The following PHC3 variants were observed in gnomAD, a reference collection of about 807,000 sequenced individuals.
PHC3 encodes polyhomeotic-like protein 3.
In PHC3, 13 loss-of-function variants were observed where a neutral mutation model predicts 107.4. The ratio of observed to expected loss-of-function variants is 0.12; its 90% CI spans 0.08 to 0.19. PHC3 has a LOEUF of 0.19. PHC3 is among the 10% of genes least tolerant of loss of function. The pLI is 1.00. For synonymous variants in PHC3, 456 were observed against 427.4 expected, an observed-to-expected ratio of 1.07 and a Z score of -0.83; for missense variants, 992 against 1,210.9, an observed-to-expected ratio of 0.82 and a Z score of 2.68.
chr3:170,178,748 C>T, intron 2 of PHC3, 25 bp downstream of exon 2: 2 of 1,611,236 alleles, frequency 1.2e-6, no homozygotes, highest in Non-Finnish European at 1.7e-6. Context: ...AAGTCTTAGA[C>T]TACCCATCAC....
chr3:170,176,233 A>G (rs1331563581), intron 2 of PHC3, among the ~76,000 whole-genome samples: 1 of 151,992 alleles, frequency 6.6e-6, no homozygotes, highest in African/African-American at 2.4e-5. Context: ...CTCAAAAAAA[A>G]AAAAAAAAAA....
At chr3:170,121,970 A>G (rs1362200037) in intron 9 of PHC3, among the ~76,000 whole-genome samples, 1 of 152,178 alleles carries the variant, frequency 6.6e-6, no homozygotes, top group Non-Finnish European at 1.5e-5. Context: ...AGAATTTTCC[A>G]GGCTGGGCAT....
chr3:170,137,208 G>GT lies in PHC3; in HGVS notation c.673-544dup, dbSNP rs147935716. 3.9e-3 allele frequency among the ~76,000 whole-genome samples: 594 copies of GT among 152,266 alleles called. 19 individuals carry two copies. The East Asian group carries it at 0.098, about 25-fold the overall frequency. ...ATTTTCAAGCAACTCTTTTAATTTA[G>GT]TAAAATTTTGGTGGTGGTGTTATTG... On this transcript the variant is annotated intron_variant, in intron 6 of 14. Transcript: ENST00000495893.
At chr3:170,145,590 G>T in intron 5 of PHC3, 69 bp from the exon 6 acceptor site, 2 of 1,075,468 alleles carry the variant, frequency 1.9e-6, no homozygotes, top group Non-Finnish European at 2.7e-6. Flanking sequence ...ATGTGTAGCA[G>T]GCAAGAGAGA....
intron 4 of PHC3, among the ~76,000 whole-genome samples, chr3:170,161,098 T>C (rs1727816617): frequency 6.6e-6 from 1 of 152,260 alleles, no homozygotes; most frequent in Non-Finnish European, 1.5e-5. Context: ...AAGTACCTAC[T>C]ATGTGATGGG....
At chr3:170,175,120 G>C (rs1259520351) in intron 2 of PHC3, among the ~76,000 whole-genome samples, 1 of 152,132 alleles carries the variant, frequency 6.6e-6, no homozygotes, top group Non-Finnish European at 1.5e-5. Context: ...CACCCAAGGA[G>C]GGTGAAGAGA....
At chr3:170,155,656 G>A (rs956918119) in intron 4 of PHC3, among the ~76,000 whole-genome samples, 2 of 152,142 alleles carry the variant, frequency 1.3e-5, no homozygotes, top group South Asian at 4.1e-4. Context: ...GGGAGGCGGA[G>A]GTTGCAGTGA....
intron 7 of PHC3, among the ~76,000 whole-genome samples, chr3:170,131,769 G>A (rs939662638): frequency 2.6e-5 from 4 of 152,096 alleles, no homozygotes; most frequent in East Asian, 1.9e-4. Context: ...CTCGGGAGGC[G>A]GAAGTTGCAG....
At position 170,102,463 on chromosome 3, in the gene PHC3, G is replaced by C. The variant is rs749103010; in HGVS notation, c.2833+16C>G. Reference sequence around the variant, plus strand: ...GCACAAGAAAAATATTAAGGCCAAAGTGATGAATTACATACCAGGCAAAGA... The same window carrying C: ...GCACAAGAAAAATATTAAGGCCAAACTGATGAATTACATACCAGGCAAAGA... On this transcript the variant is annotated intron_variant, in intron 14 of 14. Coordinates refer to ENST00000495893, the MANE Select transcript of PHC3 (RefSeq NM_024947.4). 1 of 1,609,644 alleles carries C rather than the reference G, an allele frequency of 6.2e-7. No individual in the cohort carries two copies. The highest frequency in any genetic ancestry group is 1.1e-5 in the South Asian group (1 of 90,560).
chr3:170,168,668 G>A (rs1229323452), intron 4 of PHC3, among the ~76,000 whole-genome samples: 2 of 151,648 alleles, frequency 1.3e-5, no homozygotes, highest in Admixed American at 6.6e-5. Context: ...GCAGGAGAAT[G>A]GCGTGAACTC....
intron 4 of PHC3, among the ~76,000 whole-genome samples, chr3:170,149,681 C>G (rs1405702961): frequency 6.6e-6 from 1 of 152,136 alleles, no homozygotes; most frequent in Non-Finnish European, 1.5e-5. Flanking sequence ...GTCTCGAACT[C>G]CTGACCTTAG....
Position 170,096,322 on chromosome 3 carries a change from A to G in PHC3, c.*908T>C, listed in dbSNP as rs1303453459. ...AAAAGTATTCCTTTGGGTGAAAACA[A>G]TATTTATCACTCCTTCTATATCAGA... On this transcript the variant is annotated 3_prime_UTR_variant, in exon 15 of 15. Transcript: ENST00000495893. The G allele has an allele frequency of 1.3e-5, 2 of 152,202 alleles. No individual in the cohort carries two copies. Among genetic ancestry groups the G allele is most frequent in the South Asian group, 2.1e-4 (1 of 4,832 alleles). The allele number at this position is 152,202 out of a possible 1,614,324, so 9.4% of individuals were successfully genotyped here.
At chr3:170,164,020 C>T (rs1432421050) in intron 4 of PHC3, among the ~76,000 whole-genome samples, 1 of 151,950 alleles carries the variant, frequency 6.6e-6, no homozygotes, top group African/African-American at 2.4e-5. Context: ...AGCAAGACAG[C>T]GAGACCCCTT....
intron 7 of PHC3, among the ~76,000 whole-genome samples, chr3:170,133,010 C>G (rs369964226): frequency 2.0e-5 from 3 of 151,792 alleles, no homozygotes; most frequent in Non-Finnish European, 4.4e-5. Flanking sequence ...ACTTTGGCAC[C>G]CTAAAAATAC....
rs1418090202 is a variant in PHC3 at position 170,102,725 on chromosome 3, AC to A, written c.2602-16del. ...GTAATTGGAAGCTGGAAAATGTAGT[AC>A]AAGCAAAATACAGCATTGCACTTTC... On this transcript the variant is annotated splice_polypyrimidine_tract_variant and intron_variant, in intron 13 of 14. Coordinates refer to ENST00000495893, the MANE Select transcript of PHC3 (RefSeq NM_024947.4). The A allele has an allele frequency of 1.2e-6, 2 of 1,613,710 alleles. No individual in the cohort carries two copies. Among genetic ancestry groups the A allele is most frequent in the Admixed American group, 3.3e-5 (2 of 59,982 alleles).
In PHC3 at chr3:170,090,256, T is replaced by G. The variant is rs746217006; in HGVS notation, c.*6974A>C. ...CCCTTTACCCAATGTATACAAATAT[T>G]CCCTCCCAGTTCCAAGTTTATTAAG... On this transcript the variant is annotated 3_prime_UTR_variant, in exon 15 of 15. Transcript: ENST00000495893. 1.3e-5 allele frequency: 2 copies of G among 152,152 alleles called. No homozygotes were observed. Among genetic ancestry groups the G allele is most frequent in the Non-Finnish European group, 2.9e-5 (2 of 68,026 alleles). The allele number at this position is 152,152 out of a possible 1,614,324, so 9.4% of individuals were successfully genotyped here.
At chr3:170,111,321 C>A (rs6768770) in intron 11 of PHC3, among the ~76,000 whole-genome samples, 1 of 78,650 alleles carries the variant, frequency 1.3e-5, no homozygotes, top group African/African-American at 4.9e-5. Flanking sequence ...AAGGAAGGAA[C>A]GAACGAACGA....
Position 170,091,198 on chromosome 3 carries a change from G to A in PHC3, c.*6032C>T, listed in dbSNP as rs1714055804. The A allele has an allele frequency of 6.6e-6, 1 of 152,114 alleles. No individual in the cohort carries two copies. The highest frequency in any genetic ancestry group is 2.1e-4 in the South Asian group (1 of 4,832). 9.4% of individuals were successfully genotyped at this position (152,114 alleles called of 1,614,324 possible). ...ACTATCAATCCTTAAGATGATTACT[G>A]GAGTAAATTTAAACAGGTGCTCTAA... On this transcript the variant is annotated 3_prime_UTR_variant, in exon 15 of 15. Coordinates refer to ENST00000495893, the MANE Select transcript of PHC3 (RefSeq NM_024947.4).
intron 4 of PHC3, among the ~76,000 whole-genome samples, chr3:170,150,999 T>C (rs1333633557): frequency 6.6e-6 from 1 of 151,964 alleles, no homozygotes; most frequent in African/African-American, 2.4e-5. Flanking sequence ...GATCGCAAGG[T>C]CAGGAGTTTG....
Sources: gnomAD v4.1 joint callset for allele counts (sites outside exome capture counted in the v4.1 genomes callset) on GRCh38, gnomAD v4.1.1 for gene constraint, MANE v1.5 for transcripts, NCBI Gene and HGNC (gene_info 2026-07-23, HGNC 2026-07-21) for gene names.